TNR: variants seen among roughly 807,000 people sequenced by gnomAD.
TNR encodes tenascin R.
A neutral mutation model predicts 150.4 loss-of-function variants in TNR; 45 were observed. The ratio of observed to expected loss-of-function variants is 0.30; its 90% CI spans 0.24 to 0.38. The LOEUF (loss-of-function observed/expected upper bound fraction) is 0.38. TNR is among the 10% of genes least tolerant of loss of function. The pLI is 1.00. For missense variants in TNR, 1,544 were observed against 1,759.1 expected (o/e 0.88, Z 2.19); for synonymous variants, 687 against 678.4 (o/e 1.01, Z -0.20).
intron 1 of TNR, among the ~76,000 whole-genome samples, chr1:175,731,062 G>A (rs1017468976): frequency 2.0e-5 from 3 of 152,182 alleles, no homozygotes; most frequent in African/African-American, 7.2e-5. Context: ...GTAGTAATAA[G>A]AGGACCTGAG....
At chr1:175,517,987 C>A (rs1301225863) in intron 2 of TNR, among the ~76,000 whole-genome samples, 1 of 152,200 alleles carries the variant, frequency 6.6e-6, no homozygotes, top group Non-Finnish European at 1.5e-5. Flanking sequence ...GAAAGAACTG[C>A]AGAGCCTTGG....
intron 1 of TNR, among the ~76,000 whole-genome samples, chr1:175,694,291 G>GTTCCATCA: frequency 6.6e-6 from 1 of 152,270 alleles, no homozygotes; most frequent in East Asian, 1.9e-4. Flanking sequence ...ATCTGGACCT[G>GTTCCATCA]TTCCATCATT....
intron 2 of TNR, among the ~76,000 whole-genome samples, chr1:175,423,248 C>T (rs188979233): frequency 6.6e-6 from 1 of 152,278 alleles, no homozygotes; most frequent in Non-Finnish European, 1.5e-5. Context: ...GCCAGAGGTT[C>T]ATTATGGGCC....
intron 2 of TNR, among the ~76,000 whole-genome samples, chr1:175,458,907 C>T (rs768948194): frequency 1.9e-4 from 29 of 151,726 alleles, no homozygotes; most frequent in Non-Finnish European, 3.4e-4. Flanking sequence ...CTGTCATCAT[C>T]GCTTCTACCA....
At chr1:175,370,224 G>A (rs191429859) in intron 9 of TNR, among the ~76,000 whole-genome samples, 1 of 151,946 alleles carries the variant, frequency 6.6e-6, no homozygotes, top group Admixed American at 6.6e-5. Context: ...TATATCAGAG[G>A]GTCATCATGA....
At chr1:175,343,944 T>G (rs1650647295) in intron 18 of TNR, among the ~76,000 whole-genome samples, 1 of 152,172 alleles carries the variant, frequency 6.6e-6, no homozygotes, top group African/African-American at 2.4e-5. Flanking sequence ...TTTTGGCGTT[T>G]TTGAACAACG....
At chr1:175,371,239 C>G (rs1244768289) in intron 9 of TNR, among the ~76,000 whole-genome samples, 1 of 152,164 alleles carries the variant, frequency 6.6e-6, no homozygotes, top group Non-Finnish European at 1.5e-5. Context: ...TGGCCCTGTT[C>G]CCTTTCTTAA....
intron 4 of TNR, among the ~76,000 whole-genome samples, chr1:175,401,155 G>C (rs1431829420): frequency 1.3e-5 from 2 of 152,206 alleles, no homozygotes; most frequent in Non-Finnish European, 2.9e-5. Context: ...AGTCTTCCCT[G>C]AGGTAGCCAG....
intron 1 of TNR, among the ~76,000 whole-genome samples, chr1:175,619,739 T>C (rs1369554802): frequency 6.6e-6 from 1 of 152,200 alleles, no homozygotes; most frequent in Non-Finnish European, 1.5e-5. Context: ...CCAGGAAAAG[T>C]ACCCAGGTCA....
chr1:175,424,731 C>T (rs1654894929), intron 2 of TNR, among the ~76,000 whole-genome samples: 1 of 152,078 alleles, frequency 6.6e-6, no homozygotes, highest in South Asian at 2.1e-4. Context: ...GGGATGCAAA[C>T]CCCCTGCTTC....
chr1:175,334,258 C>G (rs935158509), intron 20 of TNR, among the ~76,000 whole-genome samples: 1 of 152,214 alleles, frequency 6.6e-6, no homozygotes, highest in African/African-American at 2.4e-5. Context: ...TCACTCATTT[C>G]TGGGCATAGG....
chr1:175,397,324 T>C (rs766176835), intron 4 of TNR, among the ~76,000 whole-genome samples: 2 of 152,222 alleles, frequency 1.3e-5, no homozygotes, highest in Non-Finnish European at 2.9e-5. Flanking sequence ...ATGTTGGTAA[T>C]TGAAATTGGC....
chr1:175,571,473 G>A (rs1418830017), intron 1 of TNR, among the ~76,000 whole-genome samples: 2 of 152,164 alleles, frequency 1.3e-5, no homozygotes, highest in Non-Finnish European at 2.9e-5. Flanking sequence ...TTCCCTCAAA[G>A]TGGCACAATT....
intron 1 of TNR, among the ~76,000 whole-genome samples, chr1:175,717,665 C>A (rs1366190423): frequency 6.6e-6 from 1 of 152,142 alleles, no homozygotes; most frequent in African/African-American, 2.4e-5. Context: ...GGTCATGGGC[C>A]CAGTGCTTCC....
intron 21 of TNR, among the ~76,000 whole-genome samples, chr1:175,326,668 T>C (rs950890571): frequency 6.6e-6 from 1 of 152,186 alleles, no homozygotes; most frequent in African/African-American, 2.4e-5. Context: ...TTTTCTTTTA[T>C]TTATTTATTT....
intron 1 of TNR, among the ~76,000 whole-genome samples, chr1:175,629,672 T>C (rs562399226): frequency 1.6e-4 from 24 of 152,226 alleles, no homozygotes; most frequent in Admixed American, 5.2e-4. Flanking sequence ...GAGTCAGTAC[T>C]GAGAGATCAA....
intron 1 of TNR, among the ~76,000 whole-genome samples, chr1:175,560,185 AC>A (rs1661365149): frequency 1.3e-5 from 2 of 152,226 alleles, no homozygotes; most frequent in Admixed American, 6.5e-5. Context: ...CTTTAGTTCT[AC>A]CCCTGTTGAA....
intron 1 of TNR, among the ~76,000 whole-genome samples, chr1:175,721,046 C>T (rs914276843): frequency 3.3e-5 from 5 of 152,180 alleles, no homozygotes; most frequent in Non-Finnish European, 2.9e-5. Flanking sequence ...GCATATTCAT[C>T]TTCATTGCTT....
intron 1 of TNR, among the ~76,000 whole-genome samples, chr1:175,698,028 T>TCC (rs1666584103): frequency 6.6e-6 from 1 of 152,326 alleles, no homozygotes; most frequent in Non-Finnish European, 1.5e-5. Flanking sequence ...CCTGAGAACA[T>TCC]CCTTTTGCGG....
Sources: allele counts gnomAD v4.1 joint callset (sites outside exome capture counted in the v4.1 genomes callset), GRCh38; gene constraint gnomAD v4.1.1; transcripts MANE v1.5; gene names NCBI Gene and HGNC (gene_info 2026-07-23, HGNC 2026-07-21).